KIF26B: variants seen among roughly 807,000 people sequenced by gnomAD.
KIF26B encodes the protein kinesin family member 26B.
In KIF26B, 63 loss-of-function variants were observed where a neutral mutation model predicts 151.2. That is an observed-to-expected ratio of 0.42 (90% confidence interval 0.34 to 0.51). The LOEUF (loss-of-function observed/expected upper bound fraction) is 0.51, where lower values mean the gene tolerates loss of function less well. KIF26B is among the 20% of genes least tolerant of loss of function. KIF26B has a pLI of 0.07. For synonymous variants in KIF26B, 1,357 were observed against 1,262.1 expected (o/e 1.08, Z -1.59); for missense variants, 2,813 against 2,913.6 (o/e 0.97, Z 0.79).
At chr1:245,657,068 AC>A (rs2044082805) in intron 10 of KIF26B, among the ~76,000 whole-genome samples, 1 of 152,196 alleles carries the variant, frequency 6.6e-6, no homozygotes, top group Non-Finnish European at 1.5e-5. Context: ...TAGGGCAATG[AC>A]CACAGTTGCT....
intron 9 of KIF26B, among the ~76,000 whole-genome samples, chr1:245,633,822 AT>A (rs879561583): frequency 6.6e-6 from 1 of 151,742 alleles, no homozygotes; most frequent in Non-Finnish European, 1.5e-5. Context: ...GGTATTTTTA[AT>A]TTTTTTTGAG....
chr1:245,520,568 TCATC>T (rs74163061), intron 4 of KIF26B, among the ~76,000 whole-genome samples: 36,749 of 103,284 alleles, frequency 0.36, 5,827 homozygotes, highest in Middle Eastern at 0.54. Context: ...ATCCACCCAT[TCATC>T]CATCCATCCA....
intron 2 of KIF26B, among the ~76,000 whole-genome samples, chr1:245,361,604 T>C (rs1490027263): frequency 6.6e-6 from 1 of 152,176 alleles, no homozygotes; most frequent in African/African-American, 2.4e-5. Context: ...GAAGGAAGTT[T>C]CTACCTGAGT....
At chr1:245,304,076 A>G (rs1191812686) in intron 2 of KIF26B, among the ~76,000 whole-genome samples, 5 of 152,252 alleles carry the variant, frequency 3.3e-5, no homozygotes, top group African/African-American at 1.2e-4. Flanking sequence ...GGAAGAATAA[A>G]GCAGCATTCC....
At chr1:245,529,848 C>T (rs759246681) in intron 4 of KIF26B, among the ~76,000 whole-genome samples, 3 of 152,092 alleles carry the variant, frequency 2.0e-5, no homozygotes, top group Non-Finnish European at 4.4e-5. Flanking sequence ...TAAAAAGCTG[C>T]CGCACAGCAC....
chr1:245,202,419 GA>G (rs1669315826), intron 2 of KIF26B, among the ~76,000 whole-genome samples: 1 of 152,032 alleles, frequency 6.6e-6, no homozygotes, highest in African/African-American at 2.4e-5. Context: ...TCTGAGCTTG[GA>G]AAACATTACT....
intron 5 of KIF26B, among the ~76,000 whole-genome samples, chr1:245,588,598 G>A (rs886133323): frequency 6.6e-6 from 1 of 152,146 alleles, no homozygotes; most frequent in Non-Finnish European, 1.5e-5. Flanking sequence ...AGGATGACTG[G>A]GACTCATTGG....
At chr1:245,330,059 A>G (rs1284704649) in intron 2 of KIF26B, among the ~76,000 whole-genome samples, 2 of 151,998 alleles carry the variant, frequency 1.3e-5, no homozygotes, top group Non-Finnish European at 2.9e-5. Context: ...TGAAGTGCAA[A>G]GATTACAGGA....
In KIF26B at chr1:245,444,303, A is replaced by G. The variant is rs1271646711; in HGVS notation, c.1166+24558A>G. On this transcript the variant is annotated intron_variant, in intron 4 of 14. Transcript: ENST00000407071. ...CTTTTCAGCGGCCCTCCAGGCCTGC[A>G]GGTTCAAGCAGGCTCCAGTGGCCTG... Among the ~76,000 whole-genome samples, 17 of 152,228 alleles carry G rather than the reference A, an allele frequency of 1.1e-4. 1 individual carries two copies. Among genetic ancestry groups the G allele is most frequent in the Admixed American group, 9.8e-4 (15 of 15,284 alleles).
intron 2 of KIF26B, among the ~76,000 whole-genome samples, chr1:245,342,902 A>G (rs896716127): frequency 1.3e-5 from 2 of 152,126 alleles, no homozygotes; most frequent in Admixed American, 1.3e-4. Context: ...CCTGGCCAAC[A>G]TGGTGAAACC....
At chr1:245,624,459 A>G (rs1644410471) in intron 9 of KIF26B, among the ~76,000 whole-genome samples, 1 of 152,186 alleles carries the variant, frequency 6.6e-6, no homozygotes, top group Admixed American at 6.5e-5. Context: ...GCCTGTTTAC[A>G]TAGTAGGTTT....
intron 4 of KIF26B, among the ~76,000 whole-genome samples, chr1:245,458,743 G>A (rs1308482367): frequency 1.3e-5 from 2 of 152,136 alleles, no homozygotes; most frequent in Admixed American, 6.5e-5. Context: ...TTGGTAACAC[G>A]GGACTCAGTC....
At chr1:245,245,213 G>A (rs923837249) in intron 2 of KIF26B, among the ~76,000 whole-genome samples, 3 of 152,174 alleles carry the variant, frequency 2.0e-5, no homozygotes, top group Non-Finnish European at 2.9e-5. Context: ...CTGTCTGAGC[G>A]ATCTGGCCTT....
chr1:245,254,368 A>G (rs1670498560), intron 2 of KIF26B, among the ~76,000 whole-genome samples: 1 of 152,202 alleles, frequency 6.6e-6, no homozygotes, highest in South Asian at 2.1e-4. Flanking sequence ...TCCAGAGCAA[A>G]AAATTGGAAT....
intron 9 of KIF26B, among the ~76,000 whole-genome samples, chr1:245,634,393 C>A (rs1002126513): frequency 6.6e-6 from 1 of 152,182 alleles, no homozygotes; most frequent in Non-Finnish European, 1.5e-5. Flanking sequence ...AGTGGACATG[C>A]TTGTCTTGCT....
chr1:245,156,678 G>T lies in KIF26B; in HGVS notation c.460G>T (p.Gly154Cys). Residue 154 changes from glycine (G) to cysteine (C), a missense_variant, in exon 2 of 15, where the codon GGC becomes TGC. Transcript: ENST00000407071. ...GTTGCTCCTCCCGGGGCCCTTCCCG[G>T]GCAAGGTGAGCGCCGCGCGGGGCTG... ...LRLLLPGPFP[G>C]KDPAFSAVIH... The T allele has an allele frequency of 4.7e-6, 7 of 1,493,886 alleles. No individual in the cohort carries two copies. Among genetic ancestry groups the T allele is most frequent in the Non-Finnish European group, 6.2e-6 (7 of 1,129,284 alleles). 92.5% of individuals were successfully genotyped at this position (1,493,886 alleles called of 1,614,324 possible). A position where few individuals can be genotyped will look rare whatever the true frequency, so the allele number is the denominator to read the frequency against.
At chr1:245,337,519 TGTGTGTGTGTGTGTGTG>T (rs934895926) in intron 2 of KIF26B, among the ~76,000 whole-genome samples, 1 of 2,354 alleles carries the variant, frequency 4.2e-4, no homozygotes, top group African/African-American at 2.0e-3. Flanking sequence ...ACTTAGGAAA[TGTGTGTGTGTGTGTGTG>T]TGTGTGTGTG....
intron 4 of KIF26B, among the ~76,000 whole-genome samples, chr1:245,498,728 C>T (rs773856016): frequency 1.1e-4 from 16 of 152,174 alleles, no homozygotes; most frequent in Non-Finnish European, 2.4e-4. Context: ...TCCAGGCTGC[C>T]TGCAAGAAAG....
At position 245,474,412 on chromosome 1, in the gene KIF26B, T is replaced by TG. The variant is rs1374005547; in HGVS notation, c.1166+54667_1166+54668insG. 2.1e-5 allele frequency among the ~76,000 whole-genome samples: 3 copies of TG among 140,714 alleles called. No homozygotes were observed. The East Asian group carries it at 6.6e-4, about 31-fold the overall frequency. 92.3% of individuals were successfully genotyped at this position (140,714 alleles called of 152,430 possible). A position where few individuals can be genotyped will look rare whatever the true frequency, so the allele number is the denominator to read the frequency against. On this transcript the variant is annotated intron_variant, in intron 4 of 14. Transcript: ENST00000407071. The stretch of plus-strand genomic sequence containing the variant: ...CGTGAGCCACTGCTCCTGGCTTTTT[T>TG]TTGTTGTTGTTTTTTTTTTTTTGGA...
Sources: gnomAD v4.1 joint callset for allele counts (sites outside exome capture counted in the v4.1 genomes callset) on GRCh38, gnomAD v4.1.1 for gene constraint, MANE v1.5 for transcripts, NCBI Gene and HGNC (gene_info 2026-07-23, HGNC 2026-07-21) for gene names.